Variants in KNTC1 observed in about 807,000 individuals in gnomAD.
The protein encoded by KNTC1 is kinetochore-associated protein 1.
KNTC1 carries 253 observed loss-of-function variants against 314.4 expected under a neutral mutation model. The ratio of observed to expected loss-of-function variants is 0.80; its 90% CI spans 0.73 to 0.89. KNTC1 has a LOEUF of 0.89. Ranked by LOEUF, KNTC1 falls within the 40% of genes least tolerant of loss-of-function variation. The probability of loss-of-function intolerance (pLI) is 0.00; values close to 1 mark genes in which losing one functional copy is unlikely to be tolerated. For synonymous variants in KNTC1, 901 were observed against 901.4 expected (o/e 1.00, Z 0.01); for missense variants, 2,475 against 2,572.9 (o/e 0.96, Z 0.82).
At chr12:122,563,404 T>A (rs934733275) in intron 20 of KNTC1, among the ~76,000 whole-genome samples, 3 of 152,148 alleles carry the variant, frequency 2.0e-5, no homozygotes, top group African/African-American at 7.2e-5. Flanking sequence ...TAGCTGACAT[T>A]ACTATTTAAC....
intron 43 of KNTC1, among the ~76,000 whole-genome samples, chr12:122,595,359 A>T (rs1870895769): frequency 1.3e-5 from 2 of 152,202 alleles, no homozygotes; most frequent in African/African-American, 4.8e-5. Context: ...TTCTTATTGC[A>T]TATGTTGCCA....
At chr12:122,565,364 C>A (rs1964260640) in intron 20 of KNTC1, among the ~76,000 whole-genome samples, 1 of 151,694 alleles carries the variant, frequency 6.6e-6, no homozygotes, top group Non-Finnish European at 1.5e-5. Context: ...AAGTGATCCT[C>A]CTGCCTCGGC....
intron 42 of KNTC1, among the ~76,000 whole-genome samples, chr12:122,592,614 G>A (rs1041042188): frequency 7.2e-5 from 11 of 152,214 alleles, no homozygotes; most frequent in Non-Finnish European, 1.5e-4. Flanking sequence ...TAGCTGCTCT[G>A]GTGGGGCCTT....
chr12:122,575,910 T>G lies in KNTC1; in HGVS notation c.2586+11T>G. ...AACAAGGAAATAATGGTAAGTACAC[T>G]CTTCGAAGAGTCTTTTTTCTCTTTC... is the stretch of plus-strand genomic sequence containing the variant. On this transcript the variant is annotated intron_variant, in intron 29 of 63. Transcript: ENST00000333479. 6.3e-7 allele frequency: 1 copy of G among 1,590,868 alleles called. No individual in the cohort carries two copies. Among genetic ancestry groups the G allele is most frequent in the Non-Finnish European group, 8.5e-7 (1 of 1,173,366 alleles).
At chr12:122,576,090 G>A (rs934840108) in intron 29 of KNTC1, among the ~76,000 whole-genome samples, 191 bp downstream of exon 29, 3 of 152,068 alleles carry the variant, frequency 2.0e-5, no homozygotes, top group African/African-American at 7.2e-5. Flanking sequence ...ATGGAGTTTC[G>A]CTCTTGCCGC....
At chr12:122,574,235 T>A (rs573829986) in intron 26 of KNTC1, 47 bp from the exon 27 acceptor site, 11 of 1,111,386 alleles carry the variant, frequency 9.9e-6, no homozygotes, top group Non-Finnish European at 1.5e-5. Context: ...ATTTTTTTAA[T>A]GAGAATTTTT....
intron 61 of KNTC1, 130 bp downstream of exon 61, chr12:122,622,100 T>G (rs1874503332): frequency 1.3e-6 from 1 of 754,040 alleles, no homozygotes; most frequent in Non-Finnish European, 2.2e-6. Flanking sequence ...TTATTTTGCT[T>G]TTACTAAAAC....
chr12:122,534,322 C>T (rs1030478580), intron 2 of KNTC1, among the ~76,000 whole-genome samples: 64 of 152,142 alleles, frequency 4.2e-4, no homozygotes, highest in African/African-American at 1.4e-3. Flanking sequence ...CCCTGCCTAG[C>T]GTATCCACGA....
intron 57 of KNTC1, among the ~76,000 whole-genome samples, chr12:122,616,301 T>C (rs1018604874): frequency 6.6e-6 from 1 of 151,864 alleles, no homozygotes; most frequent in South Asian, 2.1e-4. Context: ...CTCGCTCTGT[T>C]GCCCAGGCTG....
intron 34 of KNTC1, among the ~76,000 whole-genome samples, chr12:122,583,615 C>T (rs1014223380): frequency 2.0e-5 from 3 of 152,030 alleles, no homozygotes; most frequent in African/African-American, 7.2e-5. Context: ...CACTTGAGGT[C>T]AGGAGTTCAA....
chr12:122,576,943 G>A lies in KNTC1; in HGVS notation c.2635G>A (p.Asp879Asn), dbSNP rs779089672. 44 of 1,600,682 alleles carry A rather than the reference G, an allele frequency of 2.7e-5. No individual in the cohort carries two copies. Among genetic ancestry groups the A allele is most frequent in the Middle Eastern group, 1.7e-4 (1 of 6,026 alleles). Residue 879 changes from aspartate (D) to asparagine (N), a missense_variant, in exon 30 of 64, where the codon GAT becomes AAT. Asp to Asn is a conservative substitution (Grantham distance 23). Coordinates refer to ENST00000333479, the MANE Select transcript of KNTC1 (RefSeq NM_014708.6). ...ACAAGATGTCCCATCTTCTTTAGAA[G>A]ATGCTTTAAAGGTAGCCCAAGCGTT... is the stretch of plus-strand genomic sequence containing the variant. ...LKQDVPSSLE[D>N]ALKVAQAFML...
chr12:122,569,571 A>T, intron 21 of KNTC1, 110 bp from the exon 22 acceptor site: 2 of 882,910 alleles, frequency 2.3e-6, no homozygotes, highest in Non-Finnish European at 3.5e-6. Context: ...ACTCATTATT[A>T]AATCAGTAGG....
chr12:122,534,034 TCAAGAC>T (rs1298049759), intron 2 of KNTC1, among the ~76,000 whole-genome samples: 9 of 152,224 alleles, frequency 5.9e-5, no homozygotes, highest in Non-Finnish European at 8.8e-5. Context: ...TCCCAGTGCT[TCAAGAC>T]AGCTATGTGT....
At chr12:122,539,522 G>A (rs1962117006) in intron 4 of KNTC1, among the ~76,000 whole-genome samples, 154 bp from the exon 5 acceptor site, 1 of 152,190 alleles carries the variant, frequency 6.6e-6, no homozygotes, top group South Asian at 2.1e-4. Flanking sequence ...TAGTACACTT[G>A]TCCAAAATAG....
chr12:122,584,238 T>C (rs763218979), intron 34 of KNTC1, 40 bp from the exon 35 acceptor site: 6 of 1,461,506 alleles, frequency 4.1e-6, no homozygotes, highest in Admixed American at 3.5e-5. Context: ...TCACTTTCAA[T>C]GTGAGTATTC....
intron 51 of KNTC1, 100 bp from the exon 52 acceptor site, chr12:122,609,284 G>A (rs1593674555): frequency 4.1e-6 from 3 of 732,368 alleles, no homozygotes; most frequent in South Asian, 3.4e-5. Flanking sequence ...ACATAATATC[G>A]TATATTAGGT....
Position 122,557,513 on chromosome 12 carries a change from T to C in KNTC1, c.1398+4T>C. ...GGAAAATCTACATAAGATCCAGGTA[T>C]GTTTTTCTTGTCACATACTACAGTA... On this transcript the variant is annotated splice_donor_region_variant and intron_variant, in intron 17 of 63. Transcript: ENST00000333479. 6.2e-7 allele frequency: 1 copy of C among 1,613,492 alleles called. No homozygotes were observed. Among genetic ancestry groups the C allele is most frequent in the Non-Finnish European group, 8.5e-7 (1 of 1,179,620 alleles).
intron 40 of KNTC1, 46 bp downstream of exon 40, chr12:122,588,862 C>CT (rs1306117036): frequency 2.4e-6 from 3 of 1,238,070 alleles, no homozygotes; most frequent in Non-Finnish European, 2.2e-6. Context: ...TTTTTTTTGC[C>CT]TTTTACCTCA....
Position 122,602,756 on chromosome 12 carries a change from C to T in KNTC1, c.4825+16C>T. 6.2e-7 allele frequency: 1 copy of T among 1,612,276 alleles called. No individual in the cohort carries two copies. Among genetic ancestry groups the T allele is most frequent in the Non-Finnish European group, 8.5e-7 (1 of 1,178,946 alleles). The stretch of plus-strand genomic sequence containing the variant: ...AAAATTCTCTGTATGTGTTCATTAA[C>T]TTTTTATGAATTTTACTGGATAGCC... On this transcript the variant is annotated intron_variant, in intron 46 of 63. Transcript: ENST00000333479.
Sources: allele counts gnomAD v4.1 joint callset (sites outside exome capture counted in the v4.1 genomes callset), GRCh38; gene constraint gnomAD v4.1.1; transcripts MANE v1.5; gene names NCBI Gene and HGNC (gene_info 2026-07-23, HGNC 2026-07-21).